Variants in ADAMTS2 observed in about 807,000 individuals in gnomAD.
The protein encoded by ADAMTS2 is A disintegrin and metalloproteinase with thrombospondin motifs 2.
Under a neutral mutation model 123.0 loss-of-function variants are expected in ADAMTS2, and 50 were observed. That is an observed-to-expected ratio of 0.41 (90% CI 0.32 to 0.51). The LOEUF (loss-of-function observed/expected upper bound fraction) is 0.51, where lower values mean the gene tolerates loss of function less well. Among genes scored for constraint, ADAMTS2 ranks in the 20% least tolerant of loss-of-function variants. The probability of loss-of-function intolerance (pLI) is 0.35; values close to 1 mark genes in which losing one functional copy is unlikely to be tolerated. For synonymous variants in ADAMTS2, 678 were observed against 695.4 expected (o/e 0.98, Z 0.39); for missense variants, 1,494 against 1,705.2 (o/e 0.88, Z 2.18).
rs1561795908 is a variant in ADAMTS2, at chr5:179,189,492, CGCCCGCCA to C, written c.892-8345_892-8338del. On this transcript the variant is annotated intron_variant, in intron 4 of 21. Transcript: ENST00000251582. The surrounding 1 kb of genome is among the most constrained non-coding windows in gnomAD (Gnocchi z 4.2). ...CCTCCCGAGTAGCTGGGGCTACAGG[CGCCCGCCA>C]GTGCGCCTGGTTTTTTTTTTTTTTT... Among the ~76,000 whole-genome samples, 1 of 142,750 alleles carries C rather than the reference CGCCCGCCA, an allele frequency of 7.0e-6. No homozygotes were observed. Among genetic ancestry groups the C allele is most frequent in the African/African-American group, 2.6e-5 (1 of 38,600 alleles). 93.6% of individuals were successfully genotyped at this position (142,750 alleles called of 152,430 possible). A position where few individuals can be genotyped will look rare whatever the true frequency, so the allele number is the denominator to read the frequency against.
intron 2 of ADAMTS2, chr5:179,341,369 GA>G: frequency 2.6e-6 from 1 of 385,218 alleles, no homozygotes; most frequent in Non-Finnish European, 5.1e-6. Flanking sequence ...AGGAAGGAAG[GA>G]AGGAAGGAAA....
intron 2 of ADAMTS2, among the ~76,000 whole-genome samples, chr5:179,284,902 T>A (rs534745556): frequency 1.3e-5 from 2 of 152,218 alleles, no homozygotes; most frequent in South Asian, 4.2e-4. Flanking sequence ...GTCAGCACAG[T>A]CTAATAATTA....
At chr5:179,279,880 C>T (rs1231449815) in intron 2 of ADAMTS2, among the ~76,000 whole-genome samples, 8 of 152,238 alleles carry the variant, frequency 5.3e-5, no homozygotes, top group Non-Finnish European at 8.8e-5. Context: ...GGGACGCCAG[C>T]GGGCAGGAGC....
intron 2 of ADAMTS2, among the ~76,000 whole-genome samples, chr5:179,301,858 C>T (rs901319727): frequency 5.9e-5 from 9 of 152,378 alleles, no homozygotes; most frequent in Middle Eastern, 3.4e-3. Flanking sequence ...GCCGGAGAGC[C>T]GGTGGCAGCA....
chr5:179,283,251 A>C (rs918760100), intron 2 of ADAMTS2, among the ~76,000 whole-genome samples: 13 of 152,194 alleles, frequency 8.5e-5, no homozygotes, highest in Admixed American at 8.5e-4. Context: ...GTAATATATA[A>C]ACTATTCATA....
Position 179,345,307 on chromosome 5 carries a change from C to A in ADAMTS2, c.22G>T (p.Ala8Ser), listed in dbSNP as rs1267078082. ...AGCGCGGGGCAGAGCAGGCGGCGAGCGGCTCCCGCCGGCGGATCCATGGCA... is the reference window on the plus strand; with the variant it reads ...AGCGCGGGGCAGAGCAGGCGGCGAGAGGCTCCCGCCGGCGGATCCATGGCA... MDPPAGA[A>S]RRLLCPALLL... Residue 8 changes from alanine to serine, a missense_variant, in exon 1 of 22, where the codon GCT (alanine) becomes TCT (serine). Transcript: ENST00000251582. This position sits in a 1 kb window ranked among gnomAD's most constrained non-coding sequence, Gnocchi z 7.5. 2 of 1,133,818 alleles carry A rather than the reference C, an allele frequency of 1.8e-6. No individual in the cohort carries two copies. Among genetic ancestry groups the A allele is most frequent in the Non-Finnish European group, 2.2e-6 (2 of 926,140 alleles). 70.2% of individuals were successfully genotyped at this position (1,133,818 alleles called of 1,614,324 possible).
chr5:179,276,844 G>A (rs1418181612), intron 2 of ADAMTS2, among the ~76,000 whole-genome samples: 2 of 152,166 alleles, frequency 1.3e-5, no homozygotes, highest in Non-Finnish European at 2.9e-5. Flanking sequence ...GGGAGCCATC[G>A]ATGCCACAGG....
intron 19 of ADAMTS2, 128 bp downstream of exon 19, chr5:179,124,845 C>T (rs987052107): frequency 1.7e-5 from 27 of 1,599,356 alleles, no homozygotes; most frequent in Non-Finnish European, 2.2e-5. Context: ...GGCGTCATTG[C>T]AGTGCTTGGC....
At position 179,242,058 on chromosome 5, in the gene ADAMTS2, C is replaced by T. The variant is rs1164865559; in HGVS notation, c.688+30853G>A. On this transcript the variant is annotated intron_variant, in intron 3 of 21. Transcript: ENST00000251582. This position sits in a 1 kb window ranked among gnomAD's most constrained non-coding sequence, Gnocchi z 4.2. ...ATTGGTCCAGGGGGTGAACACATGA[C>T]TGGAGTGAGACTAATCATGGGTCTT... Among the ~76,000 whole-genome samples, 1 of 152,194 alleles carries T rather than the reference C, an allele frequency of 6.6e-6. No individual in the cohort carries two copies. The highest frequency in any genetic ancestry group is 1.5e-5 in the Non-Finnish European group (1 of 68,038).
rs1295005435 is a variant in ADAMTS2 at position 179,112,641 on chromosome 5, G to A, written c.*1226C>T. 6.6e-6 allele frequency: 1 copy of A among 152,404 alleles called. No individual in the cohort carries two copies. Among genetic ancestry groups the A allele is most frequent in the African/African-American group, 2.4e-5 (1 of 41,448 alleles). 9.4% of individuals were successfully genotyped at this position (152,404 alleles called of 1,614,324 possible). A position where few individuals can be genotyped will look rare whatever the true frequency, so the allele number is the denominator to read the frequency against. ...AGGCGAGGTGGGGCAGGGCGGGACA[G>A]GGAAAGCCCATTCCCAGCAAGCAAG... On this transcript the variant is annotated 3_prime_UTR_variant, in exon 22 of 22. Coordinates refer to ENST00000251582, the MANE Select transcript of ADAMTS2 (RefSeq NM_014244.5).
At chr5:179,241,314 C>G (rs953361707) in intron 3 of ADAMTS2, among the ~76,000 whole-genome samples, 1 of 152,198 alleles carries the variant, frequency 6.6e-6, no homozygotes, top group Non-Finnish European at 1.5e-5. Flanking sequence ...GGCAATGGGA[C>G]CCTGCACCAG....
At chr5:179,278,740 ACC>A (rs1318937709) in intron 2 of ADAMTS2, among the ~76,000 whole-genome samples, 1 of 151,862 alleles carries the variant, frequency 6.6e-6, no homozygotes, top group Admixed American at 6.6e-5. Context: ...TCTGTCCCTG[ACC>A]TTCAGGTGCC....
rs201194220 is a variant in ADAMTS2, at chr5:179,153,441, C to T, written c.1515+50G>A. 2.6e-5 allele frequency: 41 copies of T among 1,599,702 alleles called. No homozygotes were observed. In the Admixed American group the frequency reaches 6.5e-4, roughly 25 times the overall value. On this transcript the variant is annotated intron_variant, in intron 9 of 21. Transcript: ENST00000251582. ...CCCGGGAGCTGCCCCTACACCAGCA[C>T]GCCTCCCCCCAGACCTGGGAGGGTC...
intron 6 of ADAMTS2, 78 bp from the exon 7 acceptor site, chr5:179,154,997 G>A (rs899323571): frequency 1.9e-5 from 25 of 1,316,872 alleles, no homozygotes; most frequent in Admixed American, 1.4e-4. Flanking sequence ...ACTCCCAGGC[G>A]CTGCTTCTCC....
chr5:179,154,026 C>T (rs747285724), intron 8 of ADAMTS2, 23 bp downstream of exon 8: 27 of 1,589,090 alleles, frequency 1.7e-5, no homozygotes, highest in Middle Eastern at 1.7e-4. Context: ...GGGTCGCCCA[C>T]GGGGCACATG....
At chr5:179,292,340 C>CCT (rs1037133628) in intron 2 of ADAMTS2, among the ~76,000 whole-genome samples, 1 of 150,066 alleles carries the variant, frequency 6.7e-6, no homozygotes, top group African/African-American at 2.5e-5. Context: ...GCTATTACCC[C>CCT]CCAGCTGTGG....
rs397733869 is a variant in ADAMTS2, at chr5:179,326,496, C to CG, written c.534+17270_534+17271insC. Among the ~76,000 whole-genome samples, 9 of 149,312 alleles carry CG rather than the reference C, an allele frequency of 6.0e-5. No homozygotes were observed. In the South Asian group the frequency reaches 6.6e-4, roughly 11 times the overall value. On this transcript the variant is annotated intron_variant, in intron 2 of 21. Coordinates refer to ENST00000251582, the MANE Select transcript of ADAMTS2 (RefSeq NM_014244.5). The stretch of plus-strand genomic sequence containing the variant: ...GTGCCCCGCCCCCGGCCCCGCCCCC[C>CG]ACTCCCATGCCCGCCCAAGCCCCGC...
chr5:179,146,297 A>C (rs1224036583), intron 10 of ADAMTS2, among the ~76,000 whole-genome samples: 3 of 152,258 alleles, frequency 2.0e-5, no homozygotes, highest in Non-Finnish European at 4.4e-5. Context: ...CTTTCTTTTT[A>C]AAAAATGATC....
chr5:179,288,518 C>A (rs544549388), intron 2 of ADAMTS2, among the ~76,000 whole-genome samples: 1 of 152,244 alleles, frequency 6.6e-6, no homozygotes, highest in African/African-American at 2.4e-5. Flanking sequence ...CGTGTCCCCA[C>A]CCACCCAGGG....
Sources: allele counts gnomAD v4.1 joint callset (sites outside exome capture counted in the v4.1 genomes callset), GRCh38; gene constraint gnomAD v4.1.1; non-coding constraint Gnocchi (gnomAD v3.1); transcripts MANE v1.5; gene names NCBI Gene and HGNC (gene_info 2026-07-23, HGNC 2026-07-21).